The following NRXN1 variants were observed in gnomAD, a reference collection of about 807,000 sequenced individuals.
The protein encoded by NRXN1 is neurexin 1, also known as neurexin-1.
Under a neutral mutation model 150.9 loss-of-function variants are expected in NRXN1, and 39 were observed. The observed-to-expected ratio is 0.26, with a 90% CI of 0.20 to 0.34. The LOEUF (loss-of-function observed/expected upper bound fraction) is 0.34. Ranked by LOEUF, NRXN1 falls within the 10% of genes least tolerant of loss-of-function variation. NRXN1 has a pLI of 1.00. For missense variants in NRXN1, 1,815 were observed against 1,949.9 expected, an observed-to-expected ratio of 0.93 and a Z score of 1.30; for synonymous variants, 924 against 757.0, an observed-to-expected ratio of 1.22 and a Z score of -3.62.
intron 18 of NRXN1, among the ~76,000 whole-genome samples, chr2:50,140,192 T>C (rs1416079531): frequency 2.0e-5 from 3 of 152,188 alleles, no homozygotes; most frequent in South Asian, 2.1e-4. Flanking sequence ...AAAATGATTA[T>C]TATTAACATT....
rs1669907282 is a variant in NRXN1 at position 51,023,251 on chromosome 2, A to C, written c.772+4251T>G. On this transcript the variant is annotated intron_variant, in intron 2 of 22. Transcript: ENST00000401669. ...TTGGAAATATAAATGTGATAATGCCATCTTCCTCCCTACCATCCACACTAC... is the reference window on the plus strand; with the variant it reads ...TTGGAAATATAAATGTGATAATGCCCTCTTCCTCCCTACCATCCACACTAC... Among the ~76,000 whole-genome samples the C allele has an allele frequency of 2.6e-5, 4 of 152,112 alleles. No homozygotes were observed. The South Asian group carries it at 8.3e-4, about 32-fold the overall frequency.
intron 8 of NRXN1, among the ~76,000 whole-genome samples, chr2:50,579,076 T>C (rs1380738811): frequency 2.0e-5 from 3 of 152,192 alleles, no homozygotes; most frequent in Non-Finnish European, 2.9e-5. Flanking sequence ...AAGATATTAA[T>C]ATTTTCTTAA....
intron 17 of NRXN1, among the ~76,000 whole-genome samples, chr2:50,323,014 T>A (rs893272593): frequency 8.5e-5 from 13 of 152,342 alleles, no homozygotes; most frequent in African/African-American, 3.1e-4. Flanking sequence ...TTTAGTGGAA[T>A]GTAAGCATAA....
chr2:50,197,675 T>A (rs2061865523), intron 18 of NRXN1, among the ~76,000 whole-genome samples: 1 of 152,126 alleles, frequency 6.6e-6, no homozygotes, highest in Admixed American at 6.6e-5. Context: ...CTTCTGTAAG[T>A]ATTTTTTCCT....
intron 5 of NRXN1, among the ~76,000 whole-genome samples, chr2:50,683,646 A>AAAAAAAAAAAAAAAAAAATATATATATAT: frequency 2.7e-4 from 4 of 14,898 alleles, no homozygotes; most frequent in Admixed American, 1.1e-3. Context: ...AAAAAAAAAA[A>AAAAAAAAAAAAAAAAAAATATATATATAT]ATATATATAT....
intron 21 of NRXN1, among the ~76,000 whole-genome samples, chr2:49,947,162 T>A (rs1271161587): frequency 6.6e-6 from 1 of 152,160 alleles, no homozygotes; most frequent in East Asian, 1.9e-4. Flanking sequence ...AAAGCTACTT[T>A]TATTCTCAAT....
chr2:50,734,691 C>T (rs1698500052), intron 5 of NRXN1, among the ~76,000 whole-genome samples: 2 of 151,398 alleles, frequency 1.3e-5, no homozygotes, highest in Non-Finnish European at 2.9e-5. Flanking sequence ...TACCTATGTA[C>T]CTTAAAACAT....
chr2:50,521,742 T>C (rs1012350752), intron 12 of NRXN1, among the ~76,000 whole-genome samples: 2 of 152,206 alleles, frequency 1.3e-5, no homozygotes, highest in Non-Finnish European at 2.9e-5. Context: ...ATAGAAAAGA[T>C]GCTTGTGTAG....
At chr2:50,048,995 G>C (rs1692270031) in intron 21 of NRXN1, among the ~76,000 whole-genome samples, 1 of 152,056 alleles carries the variant, frequency 6.6e-6, no homozygotes, top group African/African-American at 2.4e-5. Flanking sequence ...AAATAAAAAA[G>C]GTTATGGATT....
rs151147748 is a variant in NRXN1, at chr2:49,981,228, G to A, written c.4129-37437C>T. On this transcript the variant is annotated intron_variant, in intron 21 of 22. Transcript: ENST00000401669. ...CCAACCTCAAGACCCAAAGGATAAG[G>A]TTAATAAGGAACTGAATCTTTCAGG... Among the ~76,000 whole-genome samples, 199 of 152,132 alleles carry A rather than the reference G, an allele frequency of 1.3e-3. 2 individuals are homozygous for A. Among genetic ancestry groups the A allele is most frequent in the African/African-American group, 4.5e-3 (185 of 41,542 alleles).
At chr2:51,019,311 G>T (rs1460274079) in intron 2 of NRXN1, among the ~76,000 whole-genome samples, 1 of 152,070 alleles carries the variant, frequency 6.6e-6, no homozygotes, top group Non-Finnish European at 1.5e-5. Context: ...AAATTATCAA[G>T]TAGGACTATG....
At chr2:50,370,106 A>G (rs1228478636) in intron 17 of NRXN1, among the ~76,000 whole-genome samples, 3 of 151,810 alleles carry the variant, frequency 2.0e-5, no homozygotes, top group Non-Finnish European at 4.4e-5. Context: ...TTTCTCTGCA[A>G]TTTTGTTGGC....
intron 21 of NRXN1, among the ~76,000 whole-genome samples, chr2:50,045,930 G>T (rs1691732954): frequency 6.6e-6 from 1 of 152,166 alleles, no homozygotes; most frequent in Non-Finnish European, 1.5e-5. Flanking sequence ...ACAGCTGGAA[G>T]TACTTGAAGT....
chr2:50,738,051 C>G (rs1169311295), intron 5 of NRXN1, among the ~76,000 whole-genome samples: 1 of 152,098 alleles, frequency 6.6e-6, no homozygotes, highest in Non-Finnish European at 1.5e-5. Flanking sequence ...CTGGGTGAAC[C>G]CTGTCTGCAG....
At chr2:50,280,354 T>A (rs185625741) in intron 17 of NRXN1, among the ~76,000 whole-genome samples, 2 of 152,122 alleles carry the variant, frequency 1.3e-5, no homozygotes, top group East Asian at 3.9e-4. Flanking sequence ...ATGAAATGAT[T>A]ATTAATAAGA....
chr2:50,269,671 G>A (rs949214995), intron 17 of NRXN1, among the ~76,000 whole-genome samples: 2 of 152,152 alleles, frequency 1.3e-5, no homozygotes, highest in African/African-American at 4.8e-5. Context: ...CCTGCCAAAA[G>A]CCTGCCGTTT....
At chr2:50,362,587 T>C (rs943211640) in intron 17 of NRXN1, among the ~76,000 whole-genome samples, 2 of 152,020 alleles carry the variant, frequency 1.3e-5, no homozygotes, top group African/African-American at 4.8e-5. Context: ...CTCAAGGAAA[T>C]AAGAGAGGAC....
In NRXN1 at chr2:50,077,468, C is replaced by G. The variant is rs150822307; in HGVS notation, c.3718+13855G>C. Among the ~76,000 whole-genome samples, 3 of 152,224 alleles carry G rather than the reference C, an allele frequency of 2.0e-5. No homozygotes were observed. In the East Asian group the frequency reaches 5.8e-4, roughly 29 times the overall value. ...CCTTTCTTTTTTTACTAAAGCAAAT[C>G]TTTTCATTTAAAAAAGCTTCCTTTT... On this transcript the variant is annotated intron_variant, in intron 19 of 22. Coordinates refer to ENST00000401669, the MANE Select transcript of NRXN1 (RefSeq NM_001330078.2).
At chr2:50,513,845 T>C (rs1355048954) in intron 12 of NRXN1, among the ~76,000 whole-genome samples, 1 of 152,150 alleles carries the variant, frequency 6.6e-6, no homozygotes, top group Non-Finnish European at 1.5e-5. Context: ...AGCAGTTATA[T>C]TTGGAGTTTT....
Sources: gnomAD v4.1 joint callset for allele counts (sites outside exome capture counted in the v4.1 genomes callset) on GRCh38, gnomAD v4.1.1 for gene constraint, MANE v1.5 for transcripts, NCBI Gene and HGNC (gene_info 2026-07-23, HGNC 2026-07-21) for gene names.